TYK2: variants seen among roughly 807,000 people sequenced by gnomAD.
TYK2 encodes tyrosine kinase 2.
TYK2 carries 65 observed loss-of-function variants against 130.9 expected under a neutral mutation model. The ratio of observed to expected loss-of-function variants is 0.50; its 90% confidence interval spans 0.41 to 0.61. The LOEUF (loss-of-function observed/expected upper bound fraction) is 0.61, where lower values mean the gene tolerates loss of function less well. Among genes scored for constraint, TYK2 ranks in the 20% least tolerant of loss-of-function variants. TYK2 has a pLI of 0.00. For synonymous variants in TYK2, 647 were observed against 658.9 expected, an observed-to-expected ratio of 0.98 and a Z score of 0.28; for missense variants, 1,378 against 1,610.7, an observed-to-expected ratio of 0.86 and a Z score of 2.47.
chr19:10,365,122 G>A, intron 7 of TYK2, 74 bp from the exon 8 acceptor site: 2 of 1,457,422 alleles, frequency 1.4e-6, no homozygotes, highest in Admixed American at 4.6e-5. Flanking sequence ...TTCCCCTGGG[G>A]AGAGACTGGA....
Position 10,362,335 on chromosome 19 carries a change from A to G in TYK2, c.1598T>C (p.Leu533Ser). 1 of 1,614,124 alleles carries G rather than the reference A, an allele frequency of 6.2e-7. No individual in the cohort carries two copies. The highest frequency in any genetic ancestry group is 2.2e-5 in the East Asian group (1 of 44,880). Residue 533 changes from leucine to serine, a missense_variant, in exon 11 of 25, where the codon TTG becomes TCG. Leu to Ser is a moderately radical substitution (Grantham distance 145, BLOSUM62 -2). Transcript: ENST00000525621. ...FPSVRELGAA[L>S]QGCLLRAGDD... Reference sequence around the variant, plus strand: ...CCCGGCCCTCAGCAAGCAGCCCTGCAAGGCAGCCCCAAGTTCCCGAACGCT... The same window carrying G: ...CCCGGCCCTCAGCAAGCAGCCCTGCGAGGCAGCCCCAAGTTCCCGAACGCT...
At position 10,353,809 on chromosome 19, in the gene TYK2, C is replaced by T; in HGVS notation, c.2909-163G>A. 2.9e-6 allele frequency: 2 copies of T among 684,214 alleles called. No individual in the cohort carries two copies. The highest frequency in any genetic ancestry group is 4.9e-6 in the Non-Finnish European group (2 of 409,728). The allele number at this position is 684,214 out of a possible 1,614,324, so 42.4% of individuals were successfully genotyped here. On this transcript the variant is annotated intron_variant, in intron 20 of 24. Coordinates refer to ENST00000525621, the MANE Select transcript of TYK2 (RefSeq NM_003331.5). The surrounding 1 kb of genome is among the most constrained non-coding windows in gnomAD (Gnocchi z 6.9). ...GGATGGACCCATCCAGAACCCCATT[C>T]TCACTTGAGGGAGCTGCTGGTGGCT...
rs56255228 is a variant in TYK2 at position 10,354,158 on chromosome 19, G to A, written c.2792C>T (p.Ala931Val). The change falls in exon 20 of 25, where the codon GCC becomes GTC. Residue 931 changes from alanine (A) to valine (V), a missense_variant. Transcript: ENST00000525621. ...DGTGEMVAVK[A>V]LKADCGPQHR... ...CTGGGGGCCGCAGTCTGCCTTGAGG[G>A]CTTTCACCGCCACCATCTCGCCAGT... 8.1e-6 allele frequency: 13 copies of A among 1,613,948 alleles called. No homozygotes were observed. The highest frequency in any genetic ancestry group is 1.7e-4 in the Middle Eastern group (1 of 6,056).
intron 3 of TYK2, among the ~76,000 whole-genome samples, chr19:10,373,440 T>G (rs1187584532): frequency 6.6e-6 from 1 of 151,152 alleles, no homozygotes; most frequent in African/African-American, 2.4e-5. Flanking sequence ...CAGGTTTAAG[T>G]GATTCTCCTG....
intron 3 of TYK2, among the ~76,000 whole-genome samples, chr19:10,371,005 G>C (rs1000294663): frequency 6.6e-6 from 1 of 151,864 alleles, no homozygotes; most frequent in South Asian, 2.1e-4. Context: ...AAATTAGCCA[G>C]GTGTGGCTGG....
chr19:10,359,761 C>G (rs899073381), intron 14 of TYK2, among the ~76,000 whole-genome samples: 4 of 151,836 alleles, frequency 2.6e-5, no homozygotes, highest in African/African-American at 9.7e-5. Flanking sequence ...GGGCGGATCA[C>G]AAGTTCAGGA....
intron 3 of TYK2, among the ~76,000 whole-genome samples, chr19:10,371,806 T>C (rs1051504169): frequency 3.3e-5 from 5 of 152,088 alleles, no homozygotes; most frequent in Admixed American, 6.6e-5. Context: ...TTCAACCAGA[T>C]TGCAATTTAC....
In TYK2 at chr19:10,361,681, A is replaced by T; in HGVS notation, c.1960-83T>A. The T allele has an allele frequency of 7.2e-7, 1 of 1,392,478 alleles. No homozygotes were observed. Among genetic ancestry groups the T allele is most frequent in the Non-Finnish European group, 9.7e-7 (1 of 1,032,678 alleles). 86.3% of individuals were successfully genotyped at this position (1,392,478 alleles called of 1,614,324 possible). Reference sequence around the variant, plus strand: ...TCCACGGACACACCCCTCCCATCCCACCTCCTCCACAGACACACCCCTCCC... The same window carrying T: ...TCCACGGACACACCCCTCCCATCCCTCCTCCTCCACAGACACACCCCTCCC... On this transcript the variant is annotated intron_variant, in intron 13 of 24. Transcript: ENST00000525621. The surrounding 1 kb of genome is among the most constrained non-coding windows in gnomAD (Gnocchi z 4.0).
At chr19:10,358,950 C>T (rs2041249538) in intron 15 of TYK2, among the ~76,000 whole-genome samples, 2 of 152,188 alleles carry the variant, frequency 1.3e-5, no homozygotes, top group African/African-American at 4.8e-5. Flanking sequence ...ATAATCCCAG[C>T]TACTTGGGAG....
intron 14 of TYK2, among the ~76,000 whole-genome samples, chr19:10,359,967 C>T (rs774786228): frequency 6.6e-6 from 1 of 151,126 alleles, no homozygotes. Context: ...GCCGAGATCA[C>T]GTCATTGCAC....
intron 2 of TYK2, among the ~76,000 whole-genome samples, chr19:10,379,169 A>AT (rs1050357635): frequency 5.3e-5 from 8 of 151,824 alleles, no homozygotes; most frequent in African/African-American, 1.9e-4. Flanking sequence ...TCTACAAGAA[A>AT]TTTTTAAAAT....
At chr19:10,374,399 C>G (rs2042030648) in intron 3 of TYK2, among the ~76,000 whole-genome samples, 1 of 151,746 alleles carries the variant, frequency 6.6e-6, no homozygotes, top group Non-Finnish European at 1.5e-5. Context: ...GCCTGGCCAA[C>G]ATGGTGAAAC....
At chr19:10,371,715 C>T (rs960057640) in intron 3 of TYK2, among the ~76,000 whole-genome samples, 3 of 151,924 alleles carry the variant, frequency 2.0e-5, no homozygotes, top group Non-Finnish European at 2.9e-5. Context: ...TTTCAGGCTA[C>T]GAGAGGTTAT....
Position 10,361,570 on chromosome 19 carries a change from C to G in TYK2, c.1988G>C (p.Ser663Thr), listed in dbSNP as rs1169101536. The stretch of plus-strand genomic sequence containing the variant: ...GGCCAGGTGCGTGTGGGAGACCTGG[C>G]TCATGAGGCTGGCTGTCTCGTAGAA... ...LAFYETASLM[S>T]QVSHTHLAFV... The change falls in exon 14 of 25, where the codon AGC becomes ACC. Residue 663 changes from serine (S) to threonine (T), a missense_variant. Coordinates refer to ENST00000525621, the MANE Select transcript of TYK2 (RefSeq NM_003331.5). The surrounding 1 kb of genome is among the most constrained non-coding windows in gnomAD (Gnocchi z 4.0). 6.5e-7 allele frequency: 1 copy of G among 1,548,976 alleles called. No homozygotes were observed. Among genetic ancestry groups the G allele is most frequent in the Non-Finnish European group, 8.7e-7 (1 of 1,147,176 alleles).
intron 6 of TYK2, 85 bp downstream of exon 6, chr19:10,366,332 G>T: frequency 7.1e-7 from 1 of 1,408,534 alleles, no homozygotes; most frequent in Non-Finnish European, 9.7e-7. Context: ...TAGAGGCACG[G>T]CAATATGCAA....
intron 2 of TYK2, among the ~76,000 whole-genome samples, chr19:10,379,243 C>T (rs1184707538): frequency 1.3e-5 from 2 of 151,620 alleles, no homozygotes; most frequent in African/African-American, 4.8e-5. Flanking sequence ...GTGGGAGGAT[C>T]TCCTGAGCCC....
chr19:10,372,484 A>ATATATAT lies in TYK2; in HGVS notation c.194-4067_194-4066insATATATA, dbSNP rs1390400916. Among the ~76,000 whole-genome samples the ATATATAT allele has an allele frequency of 4.3e-4, 16 of 37,424 alleles. 1 individual carries two copies. The highest frequency in any genetic ancestry group is 1.7e-3 in the African/African-American group (13 of 7,584). 24.6% of individuals were successfully genotyped at this position (37,424 alleles called of 152,430 possible). ...TATATATATATATATATATATATAT[A>ATATATAT]TTTTTTTTTTTTTTTTTTTTTTTGA... is the stretch of plus-strand genomic sequence containing the variant. On this transcript the variant is annotated intron_variant, in intron 3 of 24. Transcript: ENST00000525621.
Position 10,353,603 on chromosome 19 carries a change from G to T in TYK2, c.2952C>A (p.Gly984=). 1 of 1,482,128 alleles carries T rather than the reference G, an allele frequency of 6.7e-7. No homozygotes were observed. Among genetic ancestry groups the T allele is most frequent in the Non-Finnish European group, 9.0e-7 (1 of 1,114,056 alleles). The allele number at this position is 1,482,128 out of a possible 1,614,324, so 91.8% of individuals were successfully genotyped here. Reference sequence around the variant, plus strand: ...GCCGGGGCAGGTAGTCTCGGAGGCTGCCCAGGGGCACGTACTCCATGACCA... The same window carrying T: ...GCCGGGGCAGGTAGTCTCGGAGGCTTCCCAGGGGCACGTACTCCATGACCA... ...LQLVMEYVPL[G]SLRDYLPRHS... The change falls in exon 21 of 25, where the codon GGC becomes GGA. Residue 984 remains glycine, a synonymous_variant. Transcript: ENST00000525621. The surrounding 1 kb of genome is among the most constrained non-coding windows in gnomAD (Gnocchi z 6.9).
At position 10,350,693 on chromosome 19, in the gene TYK2, G is replaced by C; in HGVS notation, c.*141C>G. The C allele has an allele frequency of 1.0e-6, 1 of 969,516 alleles. No homozygotes were observed. The highest frequency in any genetic ancestry group is 1.5e-6 in the Non-Finnish European group (1 of 652,150). The allele number at this position is 969,516 out of a possible 1,614,324, so 60.1% of individuals were successfully genotyped here. A position where few individuals can be genotyped will look rare whatever the true frequency, so the allele number is the denominator to read the frequency against. ...AAAGAAAAATAAGTTCACAGAGGTG[G>C]GGTCTCTAGACAGGAGTAAGGCACA... On this transcript the variant is annotated 3_prime_UTR_variant, in exon 25 of 25. Coordinates refer to ENST00000525621, the MANE Select transcript of TYK2 (RefSeq NM_003331.5).
Sources: allele counts gnomAD v4.1 joint callset (sites outside exome capture counted in the v4.1 genomes callset), GRCh38; gene constraint gnomAD v4.1.1; non-coding constraint Gnocchi (gnomAD v3.1); transcripts MANE v1.5; gene names NCBI Gene and HGNC (gene_info 2026-07-23, HGNC 2026-07-21).